The following MRE11 variants were observed in gnomAD, a reference collection of about 807,000 sequenced individuals.
The protein encoded by MRE11 is double-strand break repair protein MRE11.
In MRE11, 62 loss-of-function variants were observed where a neutral mutation model predicts 91.7. The ratio of observed to expected loss-of-function variants is 0.68; its 90% CI spans 0.55 to 0.84. The LOEUF (loss-of-function observed/expected upper bound fraction) is 0.84. Among genes scored for constraint, MRE11 ranks in the 40% least tolerant of loss-of-function variants. MRE11 has a pLI of 0.00. For synonymous variants in MRE11, 273 were observed against 271.4 expected (o/e 1.01, Z -0.06); for missense variants, 796 against 852.9 (o/e 0.93, Z 0.83).
upstream of MRE11, chr11:94,497,942 A>G (rs1591736650): frequency 1.5e-6 from 1 of 683,038 alleles, no homozygotes; most frequent in Non-Finnish European, 2.4e-6. Flanking sequence ...AATTATTTTC[A>G]TTTTAAAGTC....
intron 14 of MRE11, among the ~76,000 whole-genome samples, chr11:94,454,487 T>C (rs559748199): frequency 6.6e-6 from 1 of 152,184 alleles, no homozygotes; most frequent in South Asian, 2.1e-4. Context: ...CAAATGATTC[T>C]GCAAAGCTGT....
At chr11:94,444,565 C>T (rs1293710614) in intron 16 of MRE11, among the ~76,000 whole-genome samples, 1 of 152,184 alleles carries the variant, frequency 6.6e-6, no homozygotes, top group African/African-American at 2.4e-5. Flanking sequence ...GACACCTCTG[C>T]AAGACTCATT....
intron 7 of MRE11, 131 bp downstream of exon 7, chr11:94,476,158 A>G: frequency 1.5e-6 from 1 of 659,442 alleles, no homozygotes; most frequent in South Asian, 1.7e-5. Flanking sequence ...CACAAAGCAA[A>G]TCTATGTTTT....
rs1346037968 is a variant in MRE11 at position 94,417,025 on chromosome 11, G to GGCTA, written c.*3099_*3100insTAGC. ...GAGTTTCACTCTTGTTGCCCAGGCTGCAGTGCAATGGCACAATCTCGGCTC... is the reference window on the plus strand; with the variant it reads ...GAGTTTCACTCTTGTTGCCCAGGCTGGCTACAGTGCAATGGCACAATCTCGGCTC... On this transcript the variant is annotated 3_prime_UTR_variant, in exon 20 of 20. Coordinates refer to ENST00000323929, the MANE Select transcript of MRE11 (RefSeq NM_005591.4). 1.3e-5 allele frequency: 2 copies of GGCTA among 151,134 alleles called. No individual in the cohort carries two copies. Among genetic ancestry groups the GGCTA allele is most frequent in the African/African-American group, 4.9e-5 (2 of 40,966 alleles). The allele number at this position is 151,134 out of a possible 1,614,324, so 9.4% of individuals were successfully genotyped here.
chr11:94,426,400 T>A (rs971613705), intron 19 of MRE11, among the ~76,000 whole-genome samples: 1 of 149,624 alleles, frequency 6.7e-6, no homozygotes, highest in African/African-American at 2.5e-5. Flanking sequence ...CAGAACTAAA[T>A]GTCTTCATTA....
intron 1 of MRE11, among the ~76,000 whole-genome samples, chr11:94,493,174 G>T (rs1947337170): frequency 1.3e-5 from 2 of 152,084 alleles, no homozygotes; most frequent in South Asian, 4.1e-4. Context: ...ATTAATGTAT[G>T]CTAAATAAAT....
intron 14 of MRE11, among the ~76,000 whole-genome samples, chr11:94,449,873 T>C (rs1946051123): frequency 6.6e-6 from 1 of 152,214 alleles, no homozygotes; most frequent in South Asian, 2.1e-4. Flanking sequence ...AAATATGGTA[T>C]TATAATCTCA....
At chr11:94,480,286 A>G (rs1475388172) in intron 4 of MRE11, among the ~76,000 whole-genome samples, 1 of 152,204 alleles carries the variant, frequency 6.6e-6, no homozygotes, top group Non-Finnish European at 1.5e-5. Flanking sequence ...ATCCACACAA[A>G]TAAACAGATT....
chr11:94,498,010 T>G, upstream of MRE11: 1 of 1,294,948 alleles, frequency 7.7e-7, no homozygotes, highest in African/African-American at 1.5e-5. Flanking sequence ...ACAAGACAAT[T>G]TTGTTTTAGT....
intron 7 of MRE11, chr11:94,473,081 A>C (rs1946759669): frequency 6.6e-6 from 1 of 152,156 alleles, no homozygotes; most frequent in Non-Finnish European, 1.5e-5. Flanking sequence ...CGGAGAGAGA[A>C]AGTCCTAAGC....
upstream of MRE11, chr11:94,497,947 A>T: frequency 1.4e-6 from 1 of 691,730 alleles, no homozygotes; most frequent in Non-Finnish European, 2.3e-6. Context: ...TTTTCATTTT[A>T]AAGTCATCTA....
chr11:94,443,946 G>A (rs536535738), intron 16 of MRE11, among the ~76,000 whole-genome samples: 2 of 130,500 alleles, frequency 1.5e-5, no homozygotes, highest in South Asian at 2.5e-4. Flanking sequence ...TTTTGGAGAC[G>A]CTCCGTCACC....
At chr11:94,451,416 A>C (rs1423559977) in intron 14 of MRE11, among the ~76,000 whole-genome samples, 1 of 152,186 alleles carries the variant, frequency 6.6e-6, no homozygotes, top group African/African-American at 2.4e-5. Flanking sequence ...CTTTCAAAAA[A>C]CAGATAAGCC....
intron 18 of MRE11, among the ~76,000 whole-genome samples, chr11:94,430,589 C>T (rs901618067): frequency 6.6e-6 from 1 of 151,768 alleles, no homozygotes; most frequent in Admixed American, 6.6e-5. Context: ...AAGCGATTCT[C>T]CTGCATCAGC....
the MRE11 span, among the ~76,000 whole-genome samples, chr11:94,508,906 C>T: frequency 6.6e-6 from 1 of 152,060 alleles, no homozygotes; most frequent in Non-Finnish European, 1.5e-5. Flanking sequence ...GGATTACAGG[C>T]ACGCACCACC....
At chr11:94,441,878 A>G (rs563691556) in intron 16 of MRE11, among the ~76,000 whole-genome samples, 1 of 151,486 alleles carries the variant, frequency 6.6e-6, no homozygotes, top group African/African-American at 2.4e-5. Flanking sequence ...TCGGGAGGCT[A>G]AGACAGGAAA....
At chr11:94,500,709 A>G in the MRE11 span, among the ~76,000 whole-genome samples, 1 of 152,160 alleles carries the variant, frequency 6.6e-6, no homozygotes, top group Non-Finnish European at 1.5e-5. Flanking sequence ...CTTTGCTTTT[A>G]TGAATCTTAA....
intron 7 of MRE11, among the ~76,000 whole-genome samples, chr11:94,472,004 T>C (rs571370622): frequency 1.3e-5 from 2 of 152,130 alleles, no homozygotes; most frequent in East Asian, 3.9e-4. Context: ...AATTCTATAT[T>C]TGGAGGAAGA....
At chr11:94,493,131 C>T (rs1947335381) in intron 1 of MRE11, among the ~76,000 whole-genome samples, 1 of 152,062 alleles carries the variant, frequency 6.6e-6, no homozygotes, top group African/African-American at 2.4e-5. Context: ...GATGATTAAA[C>T]TCCTATTTTC....
Sources: allele counts gnomAD v4.1 joint callset (sites outside exome capture counted in the v4.1 genomes callset), GRCh38; gene constraint gnomAD v4.1.1; transcripts MANE v1.5; gene names NCBI Gene and HGNC (gene_info 2026-07-23, HGNC 2026-07-21).